Variants in DCC observed in about 807,000 individuals in gnomAD.
The protein encoded by DCC is netrin receptor DCC.
Under a neutral mutation model 172.5 loss-of-function variants are expected in DCC, and 58 were observed. The ratio of observed to expected loss-of-function variants is 0.34; its 90% CI spans 0.27 to 0.42. The LOEUF is 0.42. DCC is among the 10% of genes least tolerant of loss of function. The pLI, the probability that DCC is intolerant of heterozygous loss-of-function variation, is 1.00. For synonymous variants in DCC, 709 were observed against 644.5 expected, an observed-to-expected ratio of 1.10 and a Z score of -1.52; for missense variants, 1,740 against 1,791.0, an observed-to-expected ratio of 0.97 and a Z score of 0.51.
rs544085750 is a variant in DCC, at chr18:53,476,373, A to C, written c.3736+8363A>C. Among the ~76,000 whole-genome samples the C allele has an allele frequency of 6.6e-5, 10 of 152,270 alleles. No individual in the cohort carries two copies. The South Asian group carries it at 2.1e-3, about 32-fold the overall frequency. ...CACCCAAATCTCATCTTGAATTCCCATGTGTTGTGGCAGGGACCTGGTGAG... is the reference window on the plus strand; with the variant it reads ...CACCCAAATCTCATCTTGAATTCCCCTGTGTTGTGGCAGGGACCTGGTGAG... On this transcript the variant is annotated intron_variant, in intron 25 of 28. Coordinates refer to ENST00000442544, the MANE Select transcript of DCC (RefSeq NM_005215.4).
At chr18:52,680,870 T>C (rs909173898) in intron 1 of DCC, among the ~76,000 whole-genome samples, 6 of 152,104 alleles carry the variant, frequency 3.9e-5, no homozygotes, top group Non-Finnish European at 8.8e-5. Context: ...TTGCCTAACA[T>C]AGATAACATG....
intron 12 of DCC, among the ~76,000 whole-genome samples, chr18:53,230,332 G>T (rs149844093): frequency 5.9e-4 from 89 of 152,130 alleles, no homozygotes; most frequent in African/African-American, 1.9e-3. Flanking sequence ...TCTTTGCAAT[G>T]AATATAAATA....
chr18:53,304,780 C>T (rs1308462159), intron 12 of DCC, among the ~76,000 whole-genome samples: 1 of 152,136 alleles, frequency 6.6e-6, no homozygotes, highest in Non-Finnish European at 1.5e-5. Context: ...TTTTCATTGC[C>T]TTGCTTTTTT....
chr18:52,884,729 G>A (rs952269023), intron 2 of DCC, among the ~76,000 whole-genome samples: 2 of 152,132 alleles, frequency 1.3e-5, no homozygotes, highest in African/African-American at 4.8e-5. Context: ...GTAAAGTCAT[G>A]TTTTCCTCGA....
chr18:53,187,114 C>G (rs894305918), intron 9 of DCC, among the ~76,000 whole-genome samples: 1 of 144,232 alleles, frequency 6.9e-6, no homozygotes, highest in Non-Finnish European at 1.5e-5. Flanking sequence ...AATTTACTTT[C>G]TCTCTTTTTT....
At chr18:52,753,541 TA>T (rs2037032215) in intron 2 of DCC, among the ~76,000 whole-genome samples, 1 of 152,206 alleles carries the variant, frequency 6.6e-6, no homozygotes, top group African/African-American at 2.4e-5. Context: ...TGTGGGGCCT[TA>T]AGAAGAGTAA....
At chr18:53,108,821 C>T (rs917893551) in intron 7 of DCC, among the ~76,000 whole-genome samples, 3 of 151,468 alleles carry the variant, frequency 2.0e-5, no homozygotes, top group Non-Finnish European at 4.4e-5. Context: ...TTTACTTATG[C>T]GTTCTACCAA....
intron 5 of DCC, among the ~76,000 whole-genome samples, chr18:52,939,251 T>C (rs561550789): frequency 6.6e-6 from 1 of 152,306 alleles, no homozygotes; most frequent in East Asian, 1.9e-4. Context: ...CTCTCAGCTC[T>C]TCTTGTGGCT....
intron 12 of DCC, among the ~76,000 whole-genome samples, chr18:53,248,464 A>G (rs1482066113): frequency 2.6e-5 from 4 of 152,020 alleles, no homozygotes; most frequent in Non-Finnish European, 4.4e-5. Flanking sequence ...ACTGGAAGTG[A>G]TCAAGAACAC....
intron 23 of DCC, among the ~76,000 whole-genome samples, chr18:53,451,971 T>C (rs575076294): frequency 3.3e-5 from 5 of 152,348 alleles, no homozygotes; most frequent in Admixed American, 6.5e-5. Flanking sequence ...AAGCTGGTGA[T>C]AGCTGGTGTG....
At chr18:53,481,978 T>C (rs1295452971) in intron 25 of DCC, among the ~76,000 whole-genome samples, 1 of 152,160 alleles carries the variant, frequency 6.6e-6, no homozygotes, top group Non-Finnish European at 1.5e-5. Context: ...TTGAAAATGC[T>C]TGATGATATC....
chr18:52,522,211 C>T (rs1237226494), intron 1 of DCC, among the ~76,000 whole-genome samples: 1 of 152,192 alleles, frequency 6.6e-6, no homozygotes. Context: ...TCTACCTGTA[C>T]ATGGTTTTAC....
chr18:52,674,640 T>C (rs1312747853), intron 1 of DCC, among the ~76,000 whole-genome samples: 2 of 152,348 alleles, frequency 1.3e-5, no homozygotes, highest in South Asian at 4.1e-4. Flanking sequence ...TAAGAAGCCT[T>C]CATGTAACAA....
At chr18:53,522,632 G>A (rs1445430867) in intron 27 of DCC, among the ~76,000 whole-genome samples, 3 of 152,080 alleles carry the variant, frequency 2.0e-5, no homozygotes, top group African/African-American at 7.2e-5. Context: ...ACAACCATCT[G>A]ATCTTTGACA....
intron 19 of DCC, among the ~76,000 whole-genome samples, chr18:53,405,960 C>A (rs930843847): frequency 1.3e-5 from 2 of 152,126 alleles, no homozygotes; most frequent in African/African-American, 4.8e-5. Context: ...TGGTCTAAAT[C>A]AGTGATTTGC....
At chr18:53,465,852 C>T (rs1320897536) in intron 24 of DCC, among the ~76,000 whole-genome samples, 1 of 152,012 alleles carries the variant, frequency 6.6e-6, no homozygotes, top group East Asian at 1.9e-4. Context: ...GCAATCTCCG[C>T]CTCCCAGGTT....
At chr18:52,891,299 G>A (rs1294718037) in intron 2 of DCC, among the ~76,000 whole-genome samples, 1 of 151,994 alleles carries the variant, frequency 6.6e-6, no homozygotes, top group Non-Finnish European at 1.5e-5. Flanking sequence ...CAATGATGGG[G>A]AATGTTTATA....
chr18:52,492,634 T>G (rs2030561224), intron 1 of DCC, among the ~76,000 whole-genome samples: 1 of 151,014 alleles, frequency 6.6e-6, no homozygotes, highest in Admixed American at 6.6e-5. Flanking sequence ...GGGGCAAGTT[T>G]AATAGGAAGA....
intron 1 of DCC, among the ~76,000 whole-genome samples, chr18:52,361,072 C>A (rs976862939): frequency 6.6e-6 from 1 of 152,190 alleles, no homozygotes; most frequent in Non-Finnish European, 1.5e-5. Context: ...GATGCTTTCA[C>A]GGTGATGAAG....
Sources: allele counts gnomAD v4.1 joint callset (sites outside exome capture counted in the v4.1 genomes callset), GRCh38; gene constraint gnomAD v4.1.1; transcripts MANE v1.5; gene names NCBI Gene and HGNC (gene_info 2026-07-23, HGNC 2026-07-21).